TEN1: variants seen among roughly 807,000 people sequenced by gnomAD.
The protein encoded by TEN1 is TEN1 subunit of CST complex, also known as CST complex subunit TEN1.
TEN1 carries 6 observed loss-of-function variants against 9.3 expected under a neutral mutation model. The ratio of observed to expected loss-of-function variants is 0.65; its 90% CI spans 0.35 to 1.27. TEN1 has a LOEUF of 1.27. Among genes scored for constraint, TEN1 ranks in the 50% most tolerant of loss-of-function variants. TEN1 has a pLI of 0.03. For synonymous variants in TEN1, 65 were observed against 65.6 expected (o/e 0.99, Z 0.04); for missense variants, 149 against 158.2 (o/e 0.94, Z 0.31).
chr17:75,994,755 C>T (rs2066208871), intron 3 of TEN1, among the ~76,000 whole-genome samples: 1 of 152,084 alleles, frequency 6.6e-6, no homozygotes, highest in South Asian at 2.1e-4. Flanking sequence ...GGATTACAAG[C>T]GTGAGCCACC....
intron 3 of TEN1, among the ~76,000 whole-genome samples, chr17:75,997,424 CCT>C (rs998854330): frequency 3.9e-5 from 6 of 152,110 alleles, no homozygotes; most frequent in Admixed American, 2.0e-4. Context: ...CCTCTCCTCC[CCT>C]GTCCCTCCCG....
intron 3 of TEN1, among the ~76,000 whole-genome samples, chr17:75,993,940 A>G (rs974496180): frequency 8.0e-5 from 12 of 150,748 alleles, no homozygotes; most frequent in Non-Finnish European, 1.5e-4. Context: ...AGGAGGTTGC[A>G]GTGAGCGGAG....
Position 75,979,293 on chromosome 17 carries a change from T to A in TEN1, c.-225T>A. Reference sequence around the variant, plus strand: ...GACAGAGGGGGCGATGTCCGCGTCGTGGCTGGGGCCGGTCGCGGGGCAGAC... The same window carrying A: ...GACAGAGGGGGCGATGTCCGCGTCGAGGCTGGGGCCGGTCGCGGGGCAGAC... On this transcript the variant is annotated 5_prime_UTR_variant, in exon 1 of 4. Coordinates refer to ENST00000397640, the MANE Select transcript of TEN1 (RefSeq NM_001113324.3). The A allele has an allele frequency of 3.0e-6, 2 of 659,448 alleles. No homozygotes were observed. The highest frequency in any genetic ancestry group is 3.6e-5 in the South Asian group (2 of 55,722). 40.8% of individuals were successfully genotyped at this position (659,448 alleles called of 1,614,324 possible).
At chr17:75,987,792 C>T (rs759741772) in intron 2 of TEN1, among the ~76,000 whole-genome samples, 81 of 151,568 alleles carry the variant, frequency 5.3e-4, no homozygotes, top group Non-Finnish European at 1.0e-3. Flanking sequence ...TGGTGGGTGC[C>T]TATAATCCCA....
In TEN1 at chr17:75,991,570, A is replaced by G. The variant is rs543068875; in HGVS notation, c.197A>G (p.His66Arg). 180 of 1,552,202 alleles carry G rather than the reference A, an allele frequency of 1.2e-4. No individual in the cohort carries two copies. The African/African-American group carries it at 2.1e-3, about 18-fold the overall frequency. Residue 66 changes from histidine to arginine, a missense_variant, in exon 3 of 4, where the codon CAC (histidine) becomes CGC (arginine). By Grantham distance (29) the His-to-Arg change is conservative. Transcript: ENST00000397640. Reference protein sequence around the residue: ...LVCTKLVEPFHAQVGSLYIVL... With the variant: ...LVCTKLVEPFRAQVGSLYIVL... ...TGTACCAAGTTGGTGGAGCCCTTCC[A>G]CGCCCAGGTGGGCTCCCTGTACATC...
intron 3 of TEN1, among the ~76,000 whole-genome samples, chr17:75,995,110 A>G (rs2066210946): frequency 6.6e-6 from 1 of 151,980 alleles, no homozygotes; most frequent in Non-Finnish European, 1.5e-5. Flanking sequence ...AGTCCCAGTT[A>G]CTTGAGACGC....
intron 3 of TEN1, among the ~76,000 whole-genome samples, chr17:75,997,662 C>T (rs943129539): frequency 1.3e-5 from 2 of 152,106 alleles, no homozygotes; most frequent in Non-Finnish European, 2.9e-5. Context: ...AAATAATAGT[C>T]TCAATGACAA....
chr17:75,994,952 T>C (rs1228399614), intron 3 of TEN1, among the ~76,000 whole-genome samples: 1 of 152,156 alleles, frequency 6.6e-6, no homozygotes, highest in African/African-American at 2.4e-5. Context: ...CCAAGTGTGG[T>C]GGCTCATGCC....
chr17:75,984,246 T>C (rs1259386875), intron 1 of TEN1, among the ~76,000 whole-genome samples: 1 of 152,220 alleles, frequency 6.6e-6, no homozygotes, highest in African/African-American at 2.4e-5. Flanking sequence ...AAGGACATCT[T>C]ACTTCTCTAT....
intron 3 of TEN1, among the ~76,000 whole-genome samples, chr17:75,994,877 C>T (rs1020917710): frequency 6.6e-5 from 10 of 152,220 alleles, no homozygotes; most frequent in African/African-American, 1.9e-4. Context: ...TGTGCTCTGT[C>T]CACCCTGACC....
chr17:75,991,458 C>T lies in TEN1; in HGVS notation c.93-8C>T. 6.4e-7 allele frequency: 1 copy of T among 1,551,888 alleles called. No homozygotes were observed. The highest frequency in any genetic ancestry group is 2.4e-5 in the East Asian group (1 of 40,922). On this transcript the variant is annotated splice_region_variant and splice_polypyrimidine_tract_variant and intron_variant, in intron 2 of 3. Transcript: ENST00000397640. ...GATGGAAATTATTGCATTTCTTCTG[C>T]CTTCCAGGTTGTGCCTCTATGACAT... is the stretch of plus-strand genomic sequence containing the variant.
At chr17:75,997,196 C>T (rs2066222904) in intron 3 of TEN1, among the ~76,000 whole-genome samples, 1 of 152,152 alleles carries the variant, frequency 6.6e-6, no homozygotes, top group South Asian at 2.1e-4. Flanking sequence ...GGCAGCTTCA[C>T]TCCTGCCCCA....
At position 76,000,344 on chromosome 17, in the gene TEN1, C is replaced by T. The variant is rs1256097679; in HGVS notation, c.*82C>T. The T allele has an allele frequency of 4.1e-6, 6 of 1,461,898 alleles. No individual in the cohort carries two copies. Among genetic ancestry groups the T allele is most frequent in the Non-Finnish European group, 5.5e-6 (6 of 1,098,766 alleles). 90.6% of individuals were successfully genotyped at this position (1,461,898 alleles called of 1,614,324 possible). Reference sequence around the variant, plus strand: ...GCAGGAGCCCGGGAGAGCACAGACGCCTCCCCAGCGACGGCCTTGTCTGGA... The same window carrying T: ...GCAGGAGCCCGGGAGAGCACAGACGTCTCCCCAGCGACGGCCTTGTCTGGA... On this transcript the variant is annotated 3_prime_UTR_variant, in exon 4 of 4. Transcript: ENST00000397640. This position sits in a 1 kb window ranked among gnomAD's most constrained non-coding sequence, Gnocchi z 5.9.
At chr17:75,999,419 T>C (rs1486659308) in intron 3 of TEN1, among the ~76,000 whole-genome samples, 1 of 152,098 alleles carries the variant, frequency 6.6e-6, no homozygotes, top group African/African-American at 2.4e-5. Flanking sequence ...CTTGGCTCAC[T>C]GCAACCTCCA....
At chr17:75,989,519 C>T (rs2066172680) in intron 2 of TEN1, among the ~76,000 whole-genome samples, 1 of 151,924 alleles carries the variant, frequency 6.6e-6, no homozygotes, top group African/African-American at 2.4e-5. Flanking sequence ...TCAAGCGATT[C>T]TCCTGTCTCA....
chr17:75,986,954 G>A (rs1052337611), intron 2 of TEN1, among the ~76,000 whole-genome samples: 8 of 151,994 alleles, frequency 5.3e-5, no homozygotes, highest in Admixed American at 4.6e-4. Flanking sequence ...TTATTTATCA[G>A]TTATATATTG....
At chr17:75,995,028 C>G (rs961120370) in intron 3 of TEN1, among the ~76,000 whole-genome samples, 3 of 152,054 alleles carry the variant, frequency 2.0e-5, no homozygotes, top group African/African-American at 7.2e-5. Flanking sequence ...TTAAGACCAA[C>G]CTGGGCAACA....
At chr17:75,995,826 C>T (rs1358628873) in intron 3 of TEN1, among the ~76,000 whole-genome samples, 1 of 152,172 alleles carries the variant, frequency 6.6e-6, no homozygotes, top group African/African-American at 2.4e-5. Flanking sequence ...TGGCTGGGCT[C>T]AGGAGCTCAC....
chr17:75,993,846 G>A (rs1366817251), intron 3 of TEN1, among the ~76,000 whole-genome samples: 1 of 151,890 alleles, frequency 6.6e-6, no homozygotes, highest in Non-Finnish European at 1.5e-5. Context: ...AATACAAAAA[G>A]TTAGCCGGGC....
Sources: allele counts gnomAD v4.1 joint callset (sites outside exome capture counted in the v4.1 genomes callset), GRCh38; gene constraint gnomAD v4.1.1; non-coding constraint Gnocchi (gnomAD v3.1); transcripts MANE v1.5; gene names NCBI Gene and HGNC (gene_info 2026-07-23, HGNC 2026-07-21).